WDR4: variants seen among roughly 807,000 people sequenced by gnomAD.
The protein encoded by WDR4 is tRNA (guanine-N(7)-)-methyltransferase non-catalytic subunit WDR4.
Under a neutral mutation model 48.6 loss-of-function variants are expected in WDR4, and 47 were observed. The observed-to-expected ratio is 0.97, with a 90% CI of 0.77 to 1.23. The LOEUF is 1.23. WDR4 is among the 50% of genes most tolerant of loss of function. The pLI is 0.00. For synonymous variants in WDR4, 268 were observed against 230.0 expected (o/e 1.17, Z -1.49); for missense variants, 606 against 551.6 (o/e 1.10, Z -0.99).
Position 42,862,237 on chromosome 21 carries a change from C to G in WDR4, c.566+45G>C, listed in dbSNP as rs771204919. ...CTGAGCCGCAAGCTGACGCTGTTTT[C>G]AAACAGACCTTCTTTCTGCTGGAGG... On this transcript the variant is annotated intron_variant, in intron 5 of 10. Transcript: ENST00000398208. This position sits in a 1 kb window ranked among gnomAD's most constrained non-coding sequence, Gnocchi z 4.3. 3 of 1,533,754 alleles carry G rather than the reference C, an allele frequency of 2.0e-6. No individual in the cohort carries two copies. The Admixed American group carries it at 5.7e-5, about 29-fold the overall frequency.
chr21:42,850,609 T>C (rs1379646209), intron 10 of WDR4, among the ~76,000 whole-genome samples: 1 of 152,090 alleles, frequency 6.6e-6, no homozygotes, highest in Non-Finnish European at 1.5e-5. Flanking sequence ...CAGCAGCCTC[T>C]GGCCAACAGC....
intron 3 of WDR4, among the ~76,000 whole-genome samples, chr21:42,867,431 G>C (rs1403642122): frequency 1.3e-5 from 2 of 150,816 alleles, no homozygotes; most frequent in African/African-American, 4.9e-5. Flanking sequence ...CACAGGTAAA[G>C]GGGCACTGCC....
chr21:42,890,779 A>G, the WDR4 span, among the ~76,000 whole-genome samples: 8 of 151,206 alleles, frequency 5.3e-5, no homozygotes, highest in East Asian at 7.7e-4. Context: ...CTAGTCTACT[A>G]TTTTCTAGCT....
chr21:42,883,163 T>C (rs994110124), upstream of WDR4, among the ~76,000 whole-genome samples: 32 of 146,900 alleles, frequency 2.2e-4, no homozygotes, highest in African/African-American at 8.1e-4. Flanking sequence ...TAGTCCCAGA[T>C]ACTCAGGAGG....
intron 3 of WDR4, among the ~76,000 whole-genome samples, chr21:42,869,049 C>T (rs2058311831): frequency 1.3e-5 from 2 of 152,180 alleles, no homozygotes; most frequent in South Asian, 2.1e-4. Context: ...GCCACCACTA[C>T]AGTGTAACAC....
chr21:42,869,514 A>C (rs1416598654), intron 3 of WDR4, among the ~76,000 whole-genome samples: 5 of 152,084 alleles, frequency 3.3e-5, no homozygotes, highest in African/African-American at 1.2e-4. Flanking sequence ...GGTGCAGCTC[A>C]CCTTACACAC....
At chr21:42,883,241 C>A (rs964894150), upstream of WDR4, among the ~76,000 whole-genome samples, 1 of 143,280 alleles carries the variant, frequency 7.0e-6, no homozygotes, top group Non-Finnish European at 1.5e-5. Context: ...CGCCACTGCA[C>A]TCCAACCCGA....
At chr21:42,850,531 C>A (rs549444598) in intron 10 of WDR4, among the ~76,000 whole-genome samples, 2 of 152,190 alleles carry the variant, frequency 1.3e-5, no homozygotes, top group African/African-American at 2.4e-5. Context: ...TGCTTGCACG[C>A]CCGGAGAAAG....
the WDR4 span, among the ~76,000 whole-genome samples, chr21:42,888,225 A>T: frequency 6.6e-6 from 1 of 152,144 alleles, no homozygotes; most frequent in Non-Finnish European, 1.5e-5. Context: ...GCGAACATAG[A>T]TAGATACATA....
downstream of WDR4, among the ~76,000 whole-genome samples, chr21:42,846,107 AG>A (rs1395584997): frequency 6.6e-6 from 1 of 152,170 alleles, no homozygotes; most frequent in Admixed American, 6.5e-5. Context: ...CCTGGGTAAC[AG>A]AGCAAGACCC....
chr21:42,845,370 G>A (rs1320741604), downstream of WDR4, among the ~76,000 whole-genome samples: 1 of 152,116 alleles, frequency 6.6e-6, no homozygotes, highest in Non-Finnish European at 1.5e-5. Flanking sequence ...TGGGGTACAG[G>A]AAGAAACACA....
intron 1 of WDR4, among the ~76,000 whole-genome samples, chr21:42,877,380 A>G (rs1211070919): frequency 6.7e-6 from 1 of 148,752 alleles, no homozygotes; most frequent in Non-Finnish European, 1.5e-5. Flanking sequence ...CTGACCTCAG[A>G]TGATCTGCCC....
the WDR4 span, among the ~76,000 whole-genome samples, chr21:42,891,327 CA>C: frequency 4.8e-3 from 593 of 123,610 alleles, 1 homozygote; most frequent in Admixed American, 3.7e-3. Flanking sequence ...GATTCTGTCT[CA>C]AAAAAAAAAA....
upstream of WDR4, among the ~76,000 whole-genome samples, chr21:42,882,710 C>T (rs368647265): frequency 3.3e-5 from 5 of 152,096 alleles, no homozygotes; most frequent in African/African-American, 1.2e-4. Flanking sequence ...CACCTGTAAT[C>T]CCAGCACTTT....
At chr21:42,860,970 CAG>C (rs2058100532) in intron 5 of WDR4, among the ~76,000 whole-genome samples, 1 of 152,150 alleles carries the variant, frequency 6.6e-6, no homozygotes, top group Admixed American at 6.5e-5. Context: ...CAGCCACACA[CAG>C]GGGCCACGGG....
rs776652538 is a variant in WDR4, at chr21:42,854,566, C to A, written c.787G>T (p.Asp263Tyr). The change falls in exon 8 of 11, where the codon GAC (aspartate) becomes TAC (tyrosine). Residue 263 changes from aspartate (D) to tyrosine (Y), a missense_variant. Coordinates refer to ENST00000398208, the MANE Select transcript of WDR4 (RefSeq NM_018669.6). Reference sequence around the variant, plus strand: ...AGAGGTGCCGCCGCAGCTTACCCGTCGCACAGGAGCGCCACGCAGTTCTCC... The same window carrying A: ...AGAGGTGCCGCCGCAGCTTACCCGTAGCACAGGAGCGCCACGCAGTTCTCC... Reference protein sequence around the residue: ...CQENCVALLCDGTPVVYIFQL... With the variant: ...CQENCVALLCYGTPVVYIFQL... The A allele has an allele frequency of 1.9e-5, 30 of 1,613,274 alleles. No individual in the cohort carries two copies. The African/African-American group carries it at 3.7e-4, about 20-fold the overall frequency.
At chr21:42,877,999 C>T (rs945797514) in intron 1 of WDR4, among the ~76,000 whole-genome samples, 1 of 146,250 alleles carries the variant, frequency 6.8e-6, no homozygotes, top group African/African-American at 2.6e-5. Context: ...GAGCCAAGAT[C>T]GCGCCACTGC....
In WDR4 at chr21:42,862,187, G is replaced by C; in HGVS notation, c.566+95C>G. 2.6e-6 allele frequency: 3 copies of C among 1,174,214 alleles called. No individual in the cohort carries two copies. The highest frequency in any genetic ancestry group is 3.6e-6 in the Non-Finnish European group (3 of 831,822). The allele number at this position is 1,174,214 out of a possible 1,614,324, so 72.7% of individuals were successfully genotyped here. A position where few individuals can be genotyped will look rare whatever the true frequency, so the allele number is the denominator to read the frequency against. On this transcript the variant is annotated intron_variant, in intron 5 of 10. Coordinates refer to ENST00000398208, the MANE Select transcript of WDR4 (RefSeq NM_018669.6). The surrounding 1 kb of genome is among the most constrained non-coding windows in gnomAD (Gnocchi z 4.3). ...CGGGGGCTGCTGTCACCCGCGTGGG[G>C]CCTCGCCAGCTACAACGGCACCTGC...
intron 6 of WDR4, among the ~76,000 whole-genome samples, chr21:42,858,385 G>A (rs953978431): frequency 3.9e-5 from 6 of 152,148 alleles, no homozygotes; most frequent in Admixed American, 1.3e-4. Context: ...GGAAGCGCGC[G>A]GGAAAACCCA....
Sources: allele counts gnomAD v4.1 joint callset (sites outside exome capture counted in the v4.1 genomes callset), GRCh38; gene constraint gnomAD v4.1.1; non-coding constraint Gnocchi (gnomAD v3.1); transcripts MANE v1.5; gene names NCBI Gene and HGNC (gene_info 2026-07-23, HGNC 2026-07-21).